Variants in CHN2 observed in about 807,000 individuals in gnomAD.
CHN2 encodes the protein chimerin 2.
Under a neutral mutation model 56.3 loss-of-function variants are expected in CHN2, and 35 were observed. The observed-to-expected ratio is 0.62, with a 90% CI of 0.47 to 0.82. The LOEUF (loss-of-function observed/expected upper bound fraction) is 0.82, where lower values mean the gene tolerates loss of function less well. Ranked by LOEUF, CHN2 falls within the 40% of genes least tolerant of loss-of-function variation. The pLI is 0.00. For missense variants in CHN2, 491 were observed against 580.5 expected (o/e 0.85, Z 1.58); for synonymous variants, 210 against 212.8 (o/e 0.99, Z 0.12).
intron 9 of CHN2, 135 bp downstream of exon 9, chr7:29,500,175 A>G: frequency 1.9e-6 from 1 of 528,002 alleles, no homozygotes; most frequent in Non-Finnish European, 3.2e-6. Context: ...GCACACACAC[A>G]CTCTCTCTCT....
At chr7:29,377,534 G>C (rs1334655090) in intron 3 of CHN2, among the ~76,000 whole-genome samples, 1 of 152,182 alleles carries the variant, frequency 6.6e-6, no homozygotes, top group Non-Finnish European at 1.5e-5. Context: ...AATTGCATTT[G>C]TTTTCCAAGA....
rs765653742 is a variant in CHN2, at chr7:29,336,058, T to G, written c.50-18567T>G. 4.6e-5 allele frequency: 7 copies of G among 152,258 alleles called. No homozygotes were observed. The South Asian group carries it at 8.3e-4, about 18-fold the overall frequency. 9.4% of individuals were successfully genotyped at this position (152,258 alleles called of 1,614,324 possible). A position where few individuals can be genotyped will look rare whatever the true frequency, so the allele number is the denominator to read the frequency against. ...GCCAGAAGATACTCACTGGGGACAG[T>G]CGTGATGGGAGTTTTTCCATGAGCA... On this transcript the variant is annotated intron_variant, in intron 1 of 12. Coordinates refer to ENST00000222792, the MANE Select transcript of CHN2 (RefSeq NM_004067.4).
At chr7:29,301,495 G>A (rs1793659464) in intron 1 of CHN2, among the ~76,000 whole-genome samples, 1 of 152,020 alleles carries the variant, frequency 6.6e-6, no homozygotes, top group Non-Finnish European at 1.5e-5. Flanking sequence ...CTGAACGCTG[G>A]ATGATCCAAG....
At chr7:29,463,699 G>A (rs1485316830) in intron 6 of CHN2, among the ~76,000 whole-genome samples, 1 of 152,178 alleles carries the variant, frequency 6.6e-6, no homozygotes. Flanking sequence ...TGGCACCAGG[G>A]AGTTAAACAG....
rs78863878 is a variant in CHN2, at chr7:29,415,384, G to C, written c.576+14556G>C. ...GCTTCATTCTGGAGAGGCTCAAGTG[G>C]GGAGTTCCCACCTTGGTTTTCTGTG... On this transcript the variant is annotated intron_variant, in intron 6 of 12. Coordinates refer to ENST00000222792, the MANE Select transcript of CHN2 (RefSeq NM_004067.4). 9.9e-3 allele frequency among the ~76,000 whole-genome samples: 1,502 copies of C among 152,298 alleles called. 22 individuals carry two copies. The highest frequency in any genetic ancestry group is 0.034 in the African/African-American group (1,415 of 41,564).
intron 2 of CHN2, among the ~76,000 whole-genome samples, chr7:29,158,478 A>T (rs1460668574): frequency 6.6e-6 from 1 of 152,210 alleles, no homozygotes. Flanking sequence ...GAATCCTGAA[A>T]ATTCAGGCAG....
intron 2 of CHN2, among the ~76,000 whole-genome samples, chr7:29,151,752 T>G (rs1793625457): frequency 6.6e-6 from 1 of 152,166 alleles, no homozygotes; most frequent in Admixed American, 6.5e-5. Context: ...GTGTGACCTT[T>G]GCTGTGTTAA....
intron 1 of CHN2, among the ~76,000 whole-genome samples, chr7:29,297,480 C>G (rs1256617344): frequency 1.3e-5 from 2 of 152,312 alleles, no homozygotes; most frequent in East Asian, 3.9e-4. Flanking sequence ...GGGCCATCAG[C>G]TGAGGCTCTG....
chr7:29,160,577 AT>A (rs1232982590), intron 2 of CHN2, among the ~76,000 whole-genome samples: 1 of 152,044 alleles, frequency 6.6e-6, no homozygotes, highest in Non-Finnish European at 1.5e-5. Context: ...CTTGGGAAAG[AT>A]TTTTCTCCCT....
intron 1 of CHN2, among the ~76,000 whole-genome samples, chr7:29,261,063 C>T (rs1789509185): frequency 6.6e-6 from 1 of 152,098 alleles, no homozygotes. Context: ...TAATGATACC[C>T]CCCCACCTAC....
chr7:29,392,863 G>A (rs4719971), intron 3 of CHN2, among the ~76,000 whole-genome samples: 2 of 152,072 alleles, frequency 1.3e-5, no homozygotes, highest in Non-Finnish European at 2.9e-5. Context: ...GTCATACATA[G>A]AACCATTCAT....
At chr7:29,370,359 T>C (rs1445630178) in intron 3 of CHN2, among the ~76,000 whole-genome samples, 1 of 152,190 alleles carries the variant, frequency 6.6e-6, no homozygotes, top group Non-Finnish European at 1.5e-5. Context: ...CCTTTCTGTG[T>C]GAGTTTGTGG....
intron 6 of CHN2, among the ~76,000 whole-genome samples, chr7:29,462,659 A>G (rs2128138920): frequency 6.6e-6 from 1 of 152,298 alleles, no homozygotes; most frequent in South Asian, 2.1e-4. Context: ...TTTTTGCATA[A>G]CAGCTCATGG....
intron 2 of CHN2, among the ~76,000 whole-genome samples, chr7:29,179,686 C>T (rs1797823060): frequency 6.6e-6 from 1 of 152,112 alleles, no homozygotes; most frequent in East Asian, 1.9e-4. Flanking sequence ...TCAATAATTA[C>T]CAGGTTTTTT....
intron 6 of CHN2, among the ~76,000 whole-genome samples, chr7:29,449,635 A>G (rs756532363): frequency 6.6e-6 from 1 of 152,248 alleles, no homozygotes; most frequent in Non-Finnish European, 1.5e-5. Flanking sequence ...GCATTCATTC[A>G]GAATCATTTA....
chr7:29,504,603 G>A (rs1583432424), intron 9 of CHN2, 141 bp from the exon 10 acceptor site: 2 of 589,794 alleles, frequency 3.4e-6, no homozygotes, highest in East Asian at 5.5e-5. Flanking sequence ...AAGTTCTGAT[G>A]CAACAGTGTG....
At chr7:29,315,634 TA>T (rs1585038889) in intron 1 of CHN2, among the ~76,000 whole-genome samples, 2 of 152,220 alleles carry the variant, frequency 1.3e-5, no homozygotes, top group East Asian at 3.8e-4. Context: ...GGTATTCTGA[TA>T]ATGCAGTGAT....
chr7:29,390,143 A>G (rs1444727952), intron 3 of CHN2, among the ~76,000 whole-genome samples: 2 of 151,464 alleles, frequency 1.3e-5, no homozygotes, highest in Non-Finnish European at 2.9e-5. Flanking sequence ...GACCCATTTC[A>G]TGTGTTTTCT....
At chr7:29,235,969 C>G (rs1787163557) in intron 1 of CHN2, among the ~76,000 whole-genome samples, 1 of 152,216 alleles carries the variant, frequency 6.6e-6, no homozygotes, top group African/African-American at 2.4e-5. Flanking sequence ...ATAATCTGTA[C>G]ACCAAACCCC....
Sources: gnomAD v4.1 joint callset for allele counts (sites outside exome capture counted in the v4.1 genomes callset) on GRCh38, gnomAD v4.1.1 for gene constraint, MANE v1.5 for transcripts, NCBI Gene and HGNC (gene_info 2026-07-23, HGNC 2026-07-21) for gene names.